The following ATP1A3 variants were observed in gnomAD, a reference collection of about 807,000 sequenced individuals.
ATP1A3 encodes sodium/potassium-transporting ATPase subunit alpha-3.
ATP1A3 carries 12 observed loss-of-function variants against 108.8 expected under a neutral mutation model. The observed-to-expected ratio is 0.11, with a 90% CI of 0.07 to 0.18. ATP1A3 has a LOEUF of 0.18. Among genes scored for constraint, ATP1A3 ranks in the 10% least tolerant of loss-of-function variants. The pLI is 1.00. For synonymous variants in ATP1A3, 539 were observed against 564.5 expected, an observed-to-expected ratio of 0.95 and a Z score of 0.64; for missense variants, 498 against 1,387.7, an observed-to-expected ratio of 0.36 and a Z score of 10.19.
chr19:41,973,338 C>T (rs1386643407), intron 16 of ATP1A3, among the ~76,000 whole-genome samples: 1 of 152,198 alleles, frequency 6.6e-6, no homozygotes, highest in Non-Finnish European at 1.5e-5. Context: ...TCATGGCAGC[C>T]TCGACCACCC....
intron 1 of ATP1A3, among the ~76,000 whole-genome samples, chr19:41,990,689 TA>T (rs1555866994): frequency 1.3e-5 from 2 of 151,466 alleles, no homozygotes; most frequent in African/African-American, 4.9e-5. Context: ...TATATATATA[TA>T]TATATCTGTC....
chr19:41,972,599 T>C (rs902488477), intron 16 of ATP1A3, among the ~76,000 whole-genome samples: 6 of 151,856 alleles, frequency 4.0e-5, no homozygotes, highest in African/African-American at 1.5e-4. Context: ...ACCCCATCTC[T>C]ACTAAAACAC....
chr19:41,967,211 C>T lies in ATP1A3; in HGVS notation c.3013+38G>A, dbSNP rs781991170. On this transcript the variant is annotated intron_variant, in intron 22 of 22. Transcript: ENST00000648268. This position sits in a 1 kb window ranked among gnomAD's most constrained non-coding sequence, Gnocchi z 4.2. ...GACCAGCTGCCTGAGACCCTGCTGC[C>T]CCCCGCCCCCCTCGGCTGCCTTGCC... The T allele has an allele frequency of 6.2e-6, 10 of 1,613,470 alleles. No individual in the cohort carries two copies. The Admixed American group carries it at 1.2e-4, about 19-fold the overall frequency.
chr19:41,980,064 G>T (rs922495371), intron 11 of ATP1A3, among the ~76,000 whole-genome samples: 1 of 152,184 alleles, frequency 6.6e-6, no homozygotes, highest in East Asian at 1.9e-4. Flanking sequence ...GTGTTCAGAT[G>T]CGTCAGCACA....
Position 41,976,524 on chromosome 19 carries a change from G to A in ATP1A3, c.1986C>T (p.Asp662=). 6.2e-7 allele frequency: 1 copy of A among 1,614,218 alleles called. No homozygotes were observed. Among genetic ancestry groups the A allele is most frequent in the Non-Finnish European group, 8.5e-7 (1 of 1,180,048 alleles). ...TCTCGTCGATTTGCTCGGAGGTGAA[G>A]TCCTTGAGGTCGGTGCCGTGGATCA... ...ACVIHGTDLK[D]FTSEQIDEIL... is the part of the protein sequence containing the mutation. Residue 662 remains aspartate (D), a synonymous_variant, in exon 15 of 23, where the codon GAC becomes GAT. Coordinates refer to ENST00000648268, the MANE Select transcript of ATP1A3 (RefSeq NM_152296.5).
At chr19:41,976,693 G>C in intron 14 of ATP1A3, 127 bp from the exon 15 acceptor site, 1 of 1,360,144 alleles carries the variant, frequency 7.4e-7, no homozygotes, top group South Asian at 1.2e-5. Context: ...CAGGGGCTGG[G>C]GGAAGAGGCC....
chr19:41,976,286 C>T, intron 15 of ATP1A3, 130 bp downstream of exon 15: 1 of 1,330,392 alleles, frequency 7.5e-7, no homozygotes, highest in Non-Finnish European at 1.0e-6. Flanking sequence ...GCCCCCAGAC[C>T]CTCCTCTCTC....
chr19:41,978,913 TC>T lies in ATP1A3; in HGVS notation c.1438-116del. ...TGCCAGGATAGGCCCACACCAGGGC[TC>T]CCCCACACTCTCTCACAGAGACCTC... On this transcript the variant is annotated intron_variant, in intron 11 of 22. Coordinates refer to ENST00000648268, the MANE Select transcript of ATP1A3 (RefSeq NM_152296.5). This position sits in a 1 kb window ranked among gnomAD's most constrained non-coding sequence, Gnocchi z 8.3. The T allele has an allele frequency of 1.1e-6, 1 of 902,270 alleles. No homozygotes were observed. The highest frequency in any genetic ancestry group is 1.7e-6 in the Non-Finnish European group (1 of 576,532). The allele number at this position is 902,270 out of a possible 1,614,324, so 55.9% of individuals were successfully genotyped here.
intron 8 of ATP1A3, among the ~76,000 whole-genome samples, chr19:41,982,581 G>A (rs1262701801): frequency 1.3e-5 from 2 of 151,562 alleles, no homozygotes; most frequent in Non-Finnish European, 2.9e-5. Flanking sequence ...ATCCGAAATC[G>A]TGACACTGCA....
At position 41,968,386 on chromosome 19, in the gene ATP1A3, G is replaced by A. The variant is rs2075067246; in HGVS notation, c.2819+399C>T. Among the ~76,000 whole-genome samples, 1 of 152,160 alleles carries A rather than the reference G, an allele frequency of 6.6e-6. No homozygotes were observed. Among genetic ancestry groups the A allele is most frequent in the South Asian group, 2.1e-4 (1 of 4,830 alleles). On this transcript the variant is annotated intron_variant, in intron 20 of 22. Transcript: ENST00000648268. This position sits in a 1 kb window ranked among gnomAD's most constrained non-coding sequence, Gnocchi z 5.0. ...TAGCCGAGCCTGGTGGTGCGTACCT[G>A]TAATCCCAGCTACTTGGGAGGCTGA...
intron 16 of ATP1A3, among the ~76,000 whole-genome samples, chr19:41,974,888 C>CGAG (rs1555860620): frequency 7.9e-5 from 12 of 152,206 alleles, no homozygotes; most frequent in African/African-American, 2.9e-4. Flanking sequence ...GTACCGGTTC[C>CGAG]TCTGCCTGCG....
chr19:41,986,041 C>T (rs2075283344), intron 5 of ATP1A3, 43 bp from the exon 6 acceptor site: 1 of 1,614,018 alleles, frequency 6.2e-7, no homozygotes, highest in South Asian at 1.1e-5. Context: ...ACTCCCTCTG[C>T]CTGGGGGTCA....
At position 41,968,823 on chromosome 19, in the gene ATP1A3, G is replaced by A. The variant is rs606231445; in HGVS notation, c.2781C>T (p.Cys927=). 2 of 1,614,194 alleles carry A rather than the reference G, an allele frequency of 1.2e-6. No individual in the cohort carries two copies. The highest frequency in any genetic ancestry group is 1.7e-6 in the Non-Finnish European group (2 of 1,180,008). ...VVVQWADLII[C]KTRRNSVFQQ... The stretch of plus-strand genomic sequence containing the variant: ...GGAAGACCGAGTTCCTCCGGGTCTT[G>A]CAGATGATCAGATCGGCCCACTGGA... Residue 927 remains cysteine, a synonymous_variant, in exon 20 of 23, where the codon TGC becomes TGT. Coordinates refer to ENST00000648268, the MANE Select transcript of ATP1A3 (RefSeq NM_152296.5). The surrounding 1 kb of genome is among the most constrained non-coding windows in gnomAD (Gnocchi z 5.0).
At position 41,994,049 on chromosome 19, in the gene ATP1A3, G is replaced by C. The variant is rs913150292; in HGVS notation, c.6+22C>G. The C allele has an allele frequency of 2.5e-6, 4 of 1,609,372 alleles. No individual in the cohort carries two copies. In the African/African-American group the frequency reaches 4.0e-5, roughly 16 times the overall value. On this transcript the variant is annotated intron_variant, in intron 1 of 22. Transcript: ENST00000648268. ...CCCCACAATGTCACACGGAAGCGGC[G>C]CCCAGCCGGCTCAGCACCTACCCCC...
chr19:41,967,353 G>A lies in ATP1A3; in HGVS notation c.2922-13C>T. On this transcript the variant is annotated splice_polypyrimidine_tract_variant and intron_variant, in intron 21 of 22. Coordinates refer to ENST00000648268, the MANE Select transcript of ATP1A3 (RefSeq NM_152296.5). The surrounding 1 kb of genome is among the most constrained non-coding windows in gnomAD (Gnocchi z 4.2). The stretch of plus-strand genomic sequence containing the variant: ...CCACCAGCTGGGCCTGCAGAGGGGA[G>A]AGCAGGAGGGCTTGAGTGCGGGGCC... The A allele has an allele frequency of 1.9e-6, 3 of 1,604,172 alleles. No individual in the cohort carries two copies. The highest frequency in any genetic ancestry group is 2.5e-6 in the Non-Finnish European group (3 of 1,179,670).
At position 41,982,080 on chromosome 19, in the gene ATP1A3, G is replaced by A; in HGVS notation, c.1020C>T (p.Arg340=). The A allele has an allele frequency of 6.2e-7, 1 of 1,614,206 alleles. No homozygotes were observed. Among genetic ancestry groups the A allele is most frequent in the Non-Finnish European group, 8.5e-7 (1 of 1,180,034 alleles). The change falls in exon 9 of 23, where the codon CGC becomes CGT. Residue 340 remains arginine (R), a synonymous_variant. Transcript: ENST00000648268. ...VTVCLTLTAK[R]MARKNCLVKN... Reference sequence around the variant, plus strand: ...TCACCAGGCAGTTCTTCCGGGCCATGCGCTTGGCGGTCAGCGTCAGACACA... The same window carrying A: ...TCACCAGGCAGTTCTTCCGGGCCATACGCTTGGCGGTCAGCGTCAGACACA...
intron 16 of ATP1A3, among the ~76,000 whole-genome samples, chr19:41,972,804 G>GGGAAGGAAGGAA (rs782125486): frequency 0.038 from 2,823 of 74,876 alleles, 94 homozygotes; most frequent in Non-Finnish European, 0.044. Context: ...AGGAAGGAAG[G>GGGAAGGAAGGAA]GGAAGGAAGG....
At position 41,977,885 on chromosome 19, in the gene ATP1A3, G is replaced by A. The variant is rs782592677; in HGVS notation, c.1943+51C>T. ...GGTTGGGGGGAAGCGGTCCCCCTGT[G>A]TCAACACCCTAGAGGGATGTCCAGG... On this transcript the variant is annotated intron_variant, in intron 14 of 22. Coordinates refer to ENST00000648268, the MANE Select transcript of ATP1A3 (RefSeq NM_152296.5). 2.5e-6 allele frequency: 4 copies of A among 1,602,892 alleles called. No homozygotes were observed. The Admixed American group carries it at 5.0e-5, about 20-fold the overall frequency.
intron 8 of ATP1A3, among the ~76,000 whole-genome samples, chr19:41,984,068 C>T (rs981093173): frequency 6.6e-6 from 1 of 152,050 alleles, no homozygotes; most frequent in Non-Finnish European, 1.5e-5. Flanking sequence ...AGCCACTGCG[C>T]CCAGCCTTCA....
Sources: allele counts gnomAD v4.1 joint callset (sites outside exome capture counted in the v4.1 genomes callset), GRCh38; gene constraint gnomAD v4.1.1; non-coding constraint Gnocchi (gnomAD v3.1); transcripts MANE v1.5; gene names NCBI Gene and HGNC (gene_info 2026-07-23, HGNC 2026-07-21).